DPYD: variants seen among roughly 807,000 people sequenced by gnomAD.
DPYD encodes dihydropyrimidine dehydrogenase [NADP(+)].
DPYD carries 109 observed loss-of-function variants against 116.2 expected under a neutral mutation model. The observed-to-expected ratio is 0.94, with a 90% CI of 0.80 to 1.10. The LOEUF (loss-of-function observed/expected upper bound fraction) is 1.10, where lower values mean the gene tolerates loss of function less well. Among genes scored for constraint, DPYD ranks in the 50% least tolerant of loss-of-function variants. DPYD has a pLI of 0.00. For synonymous variants in DPYD, 440 were observed against 432.0 expected (o/e 1.02, Z -0.23); for missense variants, 1,302 against 1,254.5 (o/e 1.04, Z -0.57).
chr1:97,810,286 C>CAAA (rs71071672), intron 3 of DPYD, among the ~76,000 whole-genome samples: 65 of 73,324 alleles, frequency 8.9e-4, no homozygotes, highest in South Asian at 1.2e-3. Flanking sequence ...GACTCCATCT[C>CAAA]AAAAAAAAAA....
intron 20 of DPYD, among the ~76,000 whole-genome samples, chr1:97,110,120 T>C (rs1651483251): frequency 6.6e-6 from 1 of 152,038 alleles, no homozygotes; most frequent in Admixed American, 6.6e-5. Context: ...TACTTAAAGT[T>C]TTTGGTGTTT....
At chr1:97,358,646 G>A (rs1271374060) in intron 16 of DPYD, among the ~76,000 whole-genome samples, 5 of 152,248 alleles carry the variant, frequency 3.3e-5, no homozygotes, top group African/African-American at 4.8e-5. Flanking sequence ...TGCAGCCTCC[G>A]CTGGTGACAC....
At chr1:97,468,490 A>T (rs1213073012) in intron 13 of DPYD, among the ~76,000 whole-genome samples, 4 of 152,116 alleles carry the variant, frequency 2.6e-5, no homozygotes, top group African/African-American at 9.7e-5. Flanking sequence ...CATCTATGTT[A>T]ACAGAAAGTG....
At chr1:97,243,600 A>T (rs188782137) in intron 18 of DPYD, among the ~76,000 whole-genome samples, 2 of 152,026 alleles carry the variant, frequency 1.3e-5, no homozygotes, top group Non-Finnish European at 2.9e-5. Flanking sequence ...AAGCTTTAGA[A>T]AGAAGAGTTA....
chr1:97,707,269 A>G (rs183288984), intron 5 of DPYD, among the ~76,000 whole-genome samples: 18 of 152,184 alleles, frequency 1.2e-4, no homozygotes, highest in African/African-American at 3.1e-4. Flanking sequence ...GCCTTTACCT[A>G]TGACCAGAAA....
intron 16 of DPYD, among the ~76,000 whole-genome samples, chr1:97,340,146 A>G (rs868502181): frequency 6.6e-6 from 1 of 152,126 alleles, no homozygotes; most frequent in Non-Finnish European, 1.5e-5. Context: ...ATATTATAAT[A>G]ATAAGTAAAT....
intron 14 of DPYD, among the ~76,000 whole-genome samples, chr1:97,399,255 G>C (rs910679355): frequency 2.8e-4 from 42 of 152,156 alleles, no homozygotes; most frequent in Admixed American, 9.8e-4. Flanking sequence ...TCAGATAGTT[G>C]TAGATGTGTG....
In DPYD at chr1:97,302,724, G is replaced by A. The variant is rs1666933991; in HGVS notation, c.2299+2535C>T. Among the ~76,000 whole-genome samples, 3 of 151,946 alleles carry A rather than the reference G, an allele frequency of 2.0e-5. No homozygotes were observed. In the South Asian group the frequency reaches 6.2e-4, roughly 31 times the overall value. ...GCGTTTTACATTATGGCATATATAA[G>A]TGTATATTATGTGTATAACTGAAAA... On this transcript the variant is annotated intron_variant, in intron 18 of 22. Coordinates refer to ENST00000370192, the MANE Select transcript of DPYD (RefSeq NM_000110.4).
At chr1:97,243,506 A>G (rs1323669659) in intron 18 of DPYD, among the ~76,000 whole-genome samples, 6 of 151,860 alleles carry the variant, frequency 4.0e-5, no homozygotes, top group African/African-American at 1.4e-4. Context: ...CAGTATTTGA[A>G]TCCAGGCCTA....
chr1:97,133,998 CAAAAAAAAA>C (rs1208967697), intron 20 of DPYD, among the ~76,000 whole-genome samples: 22 of 17,244 alleles, frequency 1.3e-3, no homozygotes, highest in Admixed American at 2.9e-3. Flanking sequence ...GACTCTGTTT[CAAAAAAAAA>C]AAAAAAAATA....
At chr1:97,509,301 T>C (rs1174811026) in intron 13 of DPYD, among the ~76,000 whole-genome samples, 4 of 151,978 alleles carry the variant, frequency 2.6e-5, no homozygotes, top group Non-Finnish European at 5.9e-5. Flanking sequence ...GGCTTTGGCA[T>C]TGTGAGGCAG....
At chr1:97,480,449 G>A (rs1678233995) in intron 13 of DPYD, among the ~76,000 whole-genome samples, 1 of 152,134 alleles carries the variant, frequency 6.6e-6, no homozygotes, top group Admixed American at 6.5e-5. Context: ...TGTATAACAG[G>A]AAGTCAATAG....
chr1:97,108,301 A>T (rs985142794), intron 20 of DPYD, among the ~76,000 whole-genome samples: 1 of 152,114 alleles, frequency 6.6e-6, no homozygotes, highest in African/African-American at 2.4e-5. Context: ...TCTGTGTCTC[A>T]GTTTTCTCAC....
chr1:97,163,904 A>ACTTATTTTTGGTTCATAG (rs1656115175), intron 20 of DPYD, among the ~76,000 whole-genome samples: 2 of 152,154 alleles, frequency 1.3e-5, no homozygotes, highest in South Asian at 4.1e-4. Context: ...TCTGGTATTC[A>ACTTATTTTTGGTTCATAG]CTTATTTTTG....
chr1:97,158,523 A>T (rs1004667192), intron 20 of DPYD, among the ~76,000 whole-genome samples: 16 of 145,274 alleles, frequency 1.1e-4, no homozygotes, highest in Admixed American at 9.1e-4. Context: ...ACACACACAC[A>T]CTCTATCCAA....
Position 97,829,490 on chromosome 1 carries a change from C to G in DPYD, c.151-1294G>C, listed in dbSNP as rs1298096406. On this transcript the variant is annotated intron_variant, in intron 2 of 22. Coordinates refer to ENST00000370192, the MANE Select transcript of DPYD (RefSeq NM_000110.4). ...GTATATACATTAAAAGTATCCTCTT[C>G]TGTCTTATCTTCCCACATTTTTAGA... 2.0e-5 allele frequency among the ~76,000 whole-genome samples: 3 copies of G among 152,110 alleles called. No individual in the cohort carries two copies. The East Asian group carries it at 5.8e-4, about 29-fold the overall frequency.
intron 10 of DPYD, among the ~76,000 whole-genome samples, chr1:97,584,944 T>TATAATAATAATAATA (rs375682343): frequency 9.6e-5 from 14 of 146,052 alleles, no homozygotes; most frequent in African/African-American, 2.7e-4. Flanking sequence ...AAACTTAAAG[T>TATAATAATAATAATA]ATAATAATAA....
chr1:97,292,458 T>C (rs1172739502), intron 18 of DPYD, among the ~76,000 whole-genome samples: 3 of 152,148 alleles, frequency 2.0e-5, no homozygotes, highest in Non-Finnish European at 4.4e-5. Context: ...TTGTGAGAAC[T>C]CACTCACTAT....
At chr1:97,601,216 G>A (rs750019115) in intron 8 of DPYD, among the ~76,000 whole-genome samples, 1 of 151,892 alleles carries the variant, frequency 6.6e-6, no homozygotes, top group Admixed American at 6.6e-5. Context: ...TACTATACAG[G>A]GTTCTTTGGA....
Sources: gnomAD v4.1 joint callset for allele counts (sites outside exome capture counted in the v4.1 genomes callset) on GRCh38, gnomAD v4.1.1 for gene constraint, MANE v1.5 for transcripts, NCBI Gene and HGNC (gene_info 2026-07-23, HGNC 2026-07-21) for gene names.